RNF214: variants seen among roughly 807,000 people sequenced by gnomAD.
The protein encoded by RNF214 is ring finger protein 214.
In RNF214, 25 loss-of-function variants were observed where a neutral mutation model predicts 75.9. The ratio of observed to expected loss-of-function variants is 0.33; its 90% CI spans 0.24 to 0.46. The LOEUF (loss-of-function observed/expected upper bound fraction) is 0.46, where lower values mean the gene tolerates loss of function less well. Ranked by LOEUF, RNF214 falls within the 20% of genes least tolerant of loss-of-function variation. RNF214 has a pLI of 1.00. For missense variants in RNF214, 725 were observed against 857.5 expected (o/e 0.85, Z 1.93); for synonymous variants, 314 against 308.8 (o/e 1.02, Z -0.18).
chr11:117,262,238 C>T (rs1477020124), intron 6 of RNF214, among the ~76,000 whole-genome samples: 1 of 151,924 alleles, frequency 6.6e-6, no homozygotes, highest in Non-Finnish European at 1.5e-5. Context: ...AGGCACCCGC[C>T]ACCACGCCCG....
At chr11:117,244,098 C>A (rs1158188684) in intron 4 of RNF214, among the ~76,000 whole-genome samples, 2 of 152,222 alleles carry the variant, frequency 1.3e-5, no homozygotes, top group African/African-American at 4.8e-5. Flanking sequence ...CATCCCACCT[C>A]AGCCTCCCAA....
intron 14 of RNF214, 77 bp downstream of exon 14, chr11:117,283,287 A>C: frequency 1.0e-6 from 1 of 972,246 alleles, no homozygotes; most frequent in East Asian, 2.6e-5. Context: ...CTCATTTTCT[A>C]CTCTTTTTTT....
intron 4 of RNF214, among the ~76,000 whole-genome samples, chr11:117,240,806 CTGA>C (rs1189890279): frequency 1.3e-5 from 2 of 152,160 alleles, no homozygotes; most frequent in Non-Finnish European, 2.9e-5. Context: ...CTTTCAGAGG[CTGA>C]GGCGGGTGGA....
At chr11:117,268,951 G>A (rs537943656) in intron 6 of RNF214, among the ~76,000 whole-genome samples, 20 of 152,272 alleles carry the variant, frequency 1.3e-4, no homozygotes, top group African/African-American at 4.6e-4. Context: ...AGATTAATAG[G>A]ATAAAAAAGC....
At position 117,281,327 on chromosome 11, in the gene RNF214, A is replaced by T; in HGVS notation, c.1159A>T (p.Thr387Ser). 1 of 1,612,900 alleles carries T rather than the reference A, an allele frequency of 6.2e-7. No homozygotes were observed. Among genetic ancestry groups the T allele is most frequent in the Non-Finnish European group, 8.5e-7 (1 of 1,179,156 alleles). The change falls in exon 9 of 15, where the codon ACA becomes TCA. Residue 387 changes from threonine to serine, a missense_variant. Physicochemically the swap from Thr to Ser is moderately conservative, Grantham distance 58 (BLOSUM62 1). Transcript: ENST00000300650. ...GTTTCTTGAAAGGTCAACTCCCCCA[A>T]CACTGGAGACAGTTCGTTCCAAACA... is the stretch of plus-strand genomic sequence containing the variant. ...HLTYLKSTPPTLETVRSKQEW... is the reference protein window; with the variant it reads ...HLTYLKSTPPSLETVRSKQEW...
chr11:117,246,637 T>G (rs897082139), intron 5 of RNF214, among the ~76,000 whole-genome samples, 172 bp from the exon 6 acceptor site: 1 of 152,268 alleles, frequency 6.6e-6, no homozygotes, highest in Non-Finnish European at 1.5e-5. Context: ...CTTTCTCCTT[T>G]AGGTCTGAAT....
intron 6 of RNF214, among the ~76,000 whole-genome samples, chr11:117,269,051 C>T (rs1460159860): frequency 6.6e-6 from 1 of 152,126 alleles, no homozygotes; most frequent in Non-Finnish European, 1.5e-5. Flanking sequence ...TATACCTACC[C>T]TTCTTTAACA....
chr11:117,279,853 T>G (rs1158136246), intron 6 of RNF214, 55 bp from the exon 7 acceptor site: 1 of 1,398,286 alleles, frequency 7.2e-7, no homozygotes, highest in African/African-American at 1.4e-5. Context: ...CCCTGGTATC[T>G]CTCAACAAGC....
intron 2 of RNF214, among the ~76,000 whole-genome samples, chr11:117,237,606 C>G (rs2032945678): frequency 6.6e-6 from 1 of 152,046 alleles, no homozygotes; most frequent in African/African-American, 2.4e-5. Flanking sequence ...TTAAAGTCCC[C>G]TTTAAAAAGC....
intron 6 of RNF214, among the ~76,000 whole-genome samples, chr11:117,265,376 A>T (rs952580549): frequency 6.6e-6 from 1 of 152,126 alleles, no homozygotes; most frequent in Admixed American, 6.6e-5. Flanking sequence ...TTAGAGTCAT[A>T]ATTGTAGAAA....
At chr11:117,260,282 C>T (rs965058475) in intron 6 of RNF214, among the ~76,000 whole-genome samples, 2 of 152,188 alleles carry the variant, frequency 1.3e-5, no homozygotes, top group African/African-American at 4.8e-5. Flanking sequence ...CCATGTACCA[C>T]CACACTCTTC....
intron 3 of RNF214, 124 bp downstream of exon 3, chr11:117,239,235 G>A: frequency 1.1e-6 from 1 of 940,334 alleles, no homozygotes; most frequent in Non-Finnish European, 1.6e-6. Context: ...TTTTTTGCTA[G>A]CAACCATCAT....
intron 6 of RNF214, among the ~76,000 whole-genome samples, chr11:117,271,683 G>C (rs1028708759): frequency 2.1e-4 from 32 of 152,330 alleles, no homozygotes; most frequent in African/African-American, 7.5e-4. Flanking sequence ...AAAGGAGCTA[G>C]AAATGAAGCT....
intron 6 of RNF214, among the ~76,000 whole-genome samples, chr11:117,259,419 C>A (rs947745671): frequency 6.6e-6 from 1 of 152,168 alleles, no homozygotes; most frequent in South Asian, 2.1e-4. Flanking sequence ...TCTTTTATTT[C>A]TCTTAGGTAG....
chr11:117,262,235 C>T lies in RNF214; in HGVS notation c.959+15287C>T, dbSNP rs937032209. ...CTGAGTAGCTGGGACTACAGGCACC[C>T]GCCACCACGCCCGGCTAATTTTTTT... On this transcript the variant is annotated intron_variant, in intron 6 of 14. Coordinates refer to ENST00000300650, the MANE Select transcript of RNF214 (RefSeq NM_207343.4). Among the ~76,000 whole-genome samples the T allele has an allele frequency of 4.6e-5, 7 of 151,574 alleles. No individual in the cohort carries two copies. In the East Asian group the frequency reaches 7.8e-4, roughly 17 times the overall value.
rs764407836 is a variant in RNF214 at position 117,239,023 on chromosome 11, C to T, written c.530C>T (p.Pro177Leu). The T allele has an allele frequency of 1.9e-6, 3 of 1,614,138 alleles. No homozygotes were observed. The highest frequency in any genetic ancestry group is 1.1e-5 in the South Asian group (1 of 91,074). ...TTGGATTTCCGACCTGTAGTGTCTCCAGCAAATGGGGTTGAAGGAGTCCGA... is the reference window on the plus strand; with the variant it reads ...TTGGATTTCCGACCTGTAGTGTCTCTAGCAAATGGGGTTGAAGGAGTCCGA... ...TSLDFRPVVS[P>L]ANGVEGVRVD... The change falls in exon 3 of 15, where the codon CCA (proline) becomes CTA (leucine). Residue 177 changes from proline (P) to leucine (L), a missense_variant. Around this residue, in one of 2 missense-constraint regions of RNF214, gnomAD observed 362 missense variants for 344.5 expected, o/e 1.05. Transcript: ENST00000300650.
chr11:117,269,630 T>G (rs2033867584), intron 6 of RNF214, among the ~76,000 whole-genome samples: 1 of 152,334 alleles, frequency 6.6e-6, no homozygotes, highest in African/African-American at 2.4e-5. Context: ...CCCAAAGTAC[T>G]GGGATTACAG....
rs771783290 is a variant in RNF214 at position 117,282,523 on chromosome 11, C to A, written c.1832C>A (p.Ala611Glu). 1 of 1,613,878 alleles carries A rather than the reference C, an allele frequency of 6.2e-7. No homozygotes were observed. Among genetic ancestry groups the A allele is most frequent in the African/African-American group, 1.3e-5 (1 of 74,906 alleles). ...CGACTGGCAGAACATGAGCGGGTGG[C>A]AGCAAGTACTCAGGTGAGAAAAGCC... ...AARLAEHERV[A>E]ASTQPLGRIR... The change falls in exon 12 of 15, where the codon GCA becomes GAA. Residue 611 changes from alanine to glutamate, a missense_variant. By Grantham distance (107) the Ala-to-Glu change is moderately radical. Around this residue, in one of 2 missense-constraint regions of RNF214, gnomAD observed 363 missense variants for 513.0 expected, o/e 0.71. Transcript: ENST00000300650.
At chr11:117,280,384 A>C (rs942315807) in intron 8 of RNF214, 125 bp downstream of exon 8, 10 of 714,926 alleles carry the variant, frequency 1.4e-5, no homozygotes, top group Non-Finnish European at 2.0e-5. Flanking sequence ...TTGTAAGGCT[A>C]TCTCTGTCTG....
Sources: gnomAD v4.1 joint callset for allele counts (sites outside exome capture counted in the v4.1 genomes callset) on GRCh38, gnomAD v4.1.1 for gene constraint, gnomAD v4.1.1 regional missense constraint, MANE v1.5 for transcripts, NCBI Gene and HGNC (gene_info 2026-07-23, HGNC 2026-07-21) for gene names.